Variants in ATP11A observed in about 807,000 individuals in gnomAD.
ATP11A encodes the protein ATPase phospholipid transporting 11A.
A neutral mutation model predicts 154.4 loss-of-function variants in ATP11A; 81 were observed. The ratio of observed to expected loss-of-function variants is 0.52; its 90% CI spans 0.44 to 0.63. The LOEUF (loss-of-function observed/expected upper bound fraction) is 0.63, where lower values mean the gene tolerates loss of function less well. ATP11A is among the 30% of genes least tolerant of loss of function. The pLI is 0.00. For missense variants in ATP11A, 1,316 were observed against 1,474.3 expected (o/e 0.89, Z 1.76); for synonymous variants, 623 against 585.9 (o/e 1.06, Z -0.91).
chr13:112,831,003 A>G (rs2079068852), intron 12 of ATP11A, among the ~76,000 whole-genome samples: 2 of 151,746 alleles, frequency 1.3e-5, no homozygotes, highest in Non-Finnish European at 2.9e-5. Context: ...ATTCGGGACA[A>G]CCCACTTACA....
intron 1 of ATP11A, among the ~76,000 whole-genome samples, chr13:112,783,077 T>C (rs2077538279): frequency 1.3e-5 from 2 of 152,206 alleles, no homozygotes; most frequent in Non-Finnish European, 2.9e-5. Context: ...TGCAGGTGAA[T>C]TACCGATGGA....
At chr13:112,762,114 A>T (rs2076977523) in intron 1 of ATP11A, among the ~76,000 whole-genome samples, 1 of 152,158 alleles carries the variant, frequency 6.6e-6, no homozygotes, top group South Asian at 2.1e-4. Context: ...ACTCGTGCTT[A>T]TGAGGTATAT....
chr13:112,816,166 G>A lies in ATP11A; in HGVS notation c.525G>A (p.Thr175=), dbSNP rs1451660826. The change falls in exon 6 of 30, where the codon ACG becomes ACA. Residue 175 remains threonine, a synonymous_variant. Transcript: ENST00000375645. ...TTTCCAGCAACCGGGGAGATGGGAC[G>A]TGCCACGTCACCACCGCCAGCTTGG... ...IFLSSNRGDG[T]CHVTTASLDG... The A allele has an allele frequency of 9.3e-6, 15 of 1,614,032 alleles. No individual in the cohort carries two copies. Among genetic ancestry groups the A allele is most frequent in the Non-Finnish European group, 1.3e-5 (15 of 1,180,044 alleles).
At chr13:112,711,001 G>C (rs1887678569) in intron 1 of ATP11A, among the ~76,000 whole-genome samples, 1 of 127,798 alleles carries the variant, frequency 7.8e-6, no homozygotes, top group Non-Finnish European at 1.6e-5. Flanking sequence ...TTGAAGCAGG[G>C]ACTCGGTTCT....
intron 1 of ATP11A, among the ~76,000 whole-genome samples, chr13:112,752,525 C>T (rs1358633394): frequency 6.6e-6 from 1 of 152,206 alleles, no homozygotes; most frequent in Non-Finnish European, 1.5e-5. Flanking sequence ...GCTCCTCTTT[C>T]TGTCCCCACC....
At chr13:112,828,849 T>TA (rs2079016992) in intron 12 of ATP11A, among the ~76,000 whole-genome samples, 1 of 152,156 alleles carries the variant, frequency 6.6e-6, no homozygotes, top group South Asian at 2.1e-4. Context: ...GCTCTGTGGG[T>TA]AAACGCCTGT....
At chr13:112,783,038 C>A (rs1173775009) in intron 1 of ATP11A, among the ~76,000 whole-genome samples, 2 of 152,228 alleles carry the variant, frequency 1.3e-5, no homozygotes, top group Non-Finnish European at 2.9e-5. Context: ...TTAGACTTTT[C>A]TGCAAAGCTG....
intron 1 of ATP11A, among the ~76,000 whole-genome samples, chr13:112,760,767 C>G (rs2076944644): frequency 6.6e-6 from 1 of 152,150 alleles, no homozygotes; most frequent in South Asian, 2.1e-4. Flanking sequence ...TTGCTTTGAT[C>G]TGAATTTGAT....
chr13:112,751,907 T>C (rs1384950858), intron 1 of ATP11A, among the ~76,000 whole-genome samples: 1 of 152,214 alleles, frequency 6.6e-6, no homozygotes, highest in Admixed American at 6.5e-5. Flanking sequence ...TTTGACATTA[T>C]GGTATACACA....
chr13:112,833,059 G>T (rs1278443008), intron 14 of ATP11A, 36 bp downstream of exon 14: 1 of 1,591,836 alleles, frequency 6.3e-7, no homozygotes. Flanking sequence ...TGGGTTTCCT[G>T]ATGTGACTCA....
intron 5 of ATP11A, 37 bp downstream of exon 5, chr13:112,810,763 C>T (rs369182418): frequency 9.5e-6 from 15 of 1,576,710 alleles, no homozygotes; most frequent in Non-Finnish European, 1.3e-5. Context: ...TGGTGAAGTC[C>T]AGTAACTGTT....
intron 1 of ATP11A, among the ~76,000 whole-genome samples, chr13:112,771,929 G>A (rs571555579): frequency 6.6e-6 from 1 of 152,328 alleles, no homozygotes; most frequent in East Asian, 1.9e-4. Flanking sequence ...GGGAGCCCTG[G>A]GCTGGGCGGG....
chr13:112,861,197 C>G (rs2080093865), intron 24 of ATP11A, among the ~76,000 whole-genome samples: 1 of 152,226 alleles, frequency 6.6e-6, no homozygotes, highest in African/African-American at 2.4e-5. Context: ...ACCCCCATGA[C>G]TCAATCACTG....
intron 17 of ATP11A, among the ~76,000 whole-genome samples, chr13:112,844,175 G>A (rs1407673747): frequency 6.6e-6 from 1 of 152,222 alleles, no homozygotes; most frequent in Non-Finnish European, 1.5e-5. Context: ...ATGGCTACAG[G>A]TCACAGGTGA....
At chr13:112,812,681 C>T (rs142146761) in intron 5 of ATP11A, among the ~76,000 whole-genome samples, 204 of 152,366 alleles carry the variant, frequency 1.3e-3, no homozygotes, top group African/African-American at 4.6e-3. Context: ...GTATCACACA[C>T]GTCACCAAAT....
At position 112,746,706 on chromosome 13, in the gene ATP11A, T is replaced by A. The variant is rs1043456283; in HGVS notation, c.40-38429T>A. The A allele has an allele frequency of 4.6e-5, 6 of 129,298 alleles. No homozygotes were observed. The highest frequency in any genetic ancestry group is 9.7e-5 in the Non-Finnish European group (6 of 61,540). 8.0% of individuals were successfully genotyped at this position (129,298 alleles called of 1,614,324 possible). A position where few individuals can be genotyped will look rare whatever the true frequency, so the allele number is the denominator to read the frequency against. On this transcript the variant is annotated intron_variant, in intron 1 of 29. Transcript: ENST00000375645. The surrounding 1 kb of genome is among the most constrained non-coding windows in gnomAD (Gnocchi z 4.1). Reference sequence around the variant, plus strand: ...GATCACAGGCGTGCACCACCATGCCTGGCTAATTAAAAAAAAAAAAAAAAA... The same window carrying A: ...GATCACAGGCGTGCACCACCATGCCAGGCTAATTAAAAAAAAAAAAAAAAA...
chr13:112,813,393 T>C (rs939726978), intron 5 of ATP11A, among the ~76,000 whole-genome samples: 21 of 152,158 alleles, frequency 1.4e-4, no homozygotes, highest in African/African-American at 5.1e-4. Flanking sequence ...GGTTGGCTGT[T>C]TTCAGGCAGT....
At chr13:112,877,475 G>A (rs1165397044) in intron 28 of ATP11A, among the ~76,000 whole-genome samples, 8 of 152,250 alleles carry the variant, frequency 5.3e-5, no homozygotes, top group East Asian at 3.8e-4. Context: ...ACATGGGGAC[G>A]TGGCAGACAC....
Position 112,825,562 on chromosome 13 carries a change from G to A in ATP11A, c.1005G>A (p.Ser335=), listed in dbSNP as rs138183589. Reference sequence around the variant, plus strand: ...CGTGGTATAATCAGAAAACGGAGTCGGAAAGGCAGAGGAATCTGGTATGGA... The same window carrying A: ...CGTGGTATAATCAGAAAACGGAGTCAGAAAGGCAGAGGAATCTGGTATGGA... The part of the protein sequence containing the change: ...DEPWYNQKTE[S]ERQRNLFLKA... The change falls in exon 11 of 30, where the codon TCG becomes TCA. Residue 335 remains serine (S), a synonymous_variant. Coordinates refer to ENST00000375645, the MANE Select transcript of ATP11A (RefSeq NM_015205.3). The A allele has an allele frequency of 1.5e-4, 235 of 1,613,276 alleles. 1 individual carries two copies. The African/African-American group carries it at 2.1e-3, about 15-fold the overall frequency.
Sources: gnomAD v4.1 joint callset for allele counts (sites outside exome capture counted in the v4.1 genomes callset) on GRCh38, gnomAD v4.1.1 for gene constraint, Gnocchi (gnomAD v3.1) non-coding constraint, MANE v1.5 for transcripts, NCBI Gene and HGNC (gene_info 2026-07-23, HGNC 2026-07-21) for gene names.